BBS12: variants seen among roughly 807,000 people sequenced by gnomAD.
The protein encoded by BBS12 is chaperonin-containing T-complex member BBS12.
In BBS12, 5 loss-of-function variants were observed where a neutral mutation model predicts 5.6. The ratio of observed to expected loss-of-function variants is 0.89; its 90% CI spans 0.46 to 1.86. The LOEUF (loss-of-function observed/expected upper bound fraction) is 1.86. BBS12 is among the 40% of genes most tolerant of loss of function. BBS12 has a pLI of 0.01. For missense variants in BBS12, 748 were observed against 830.4 expected, an observed-to-expected ratio of 0.90 and a Z score of 1.22; for synonymous variants, 308 against 306.8, an observed-to-expected ratio of 1.00 and a Z score of -0.04.
At chr4:122,713,496 T>G in the BBS12 span, among the ~76,000 whole-genome samples, 3 of 152,174 alleles carry the variant, frequency 2.0e-5, no homozygotes, top group Non-Finnish European at 2.9e-5. Flanking sequence ...AGCAAGACCC[T>G]ATCTCTAAAT....
rs1435538704 is a variant in BBS12 at position 122,742,320 on chromosome 4, G to A, written c.428G>A (p.Ser143Asn). ...PVHNIFDCMD[S>N]TKTFSQLETF... The stretch of plus-strand genomic sequence containing the variant: ...CACAATATATTTGACTGTATGGACA[G>A]CACAAAAACATTTTCTCAACTTGAA... Residue 143 changes from serine (S) to asparagine (N), a missense_variant, in exon 2 of 2, where the codon AGC (serine) becomes AAC (asparagine). By Grantham distance (46) the Ser-to-Asn change is conservative (BLOSUM62 1). Coordinates refer to ENST00000314218, the MANE Select transcript of BBS12 (RefSeq NM_152618.3). 2 of 1,613,918 alleles carry A rather than the reference G, an allele frequency of 1.2e-6. No homozygotes were observed. Among genetic ancestry groups the A allele is most frequent in the Non-Finnish European group, 1.7e-6 (2 of 1,179,996 alleles).
the BBS12 span, among the ~76,000 whole-genome samples, chr4:122,701,483 T>A: frequency 3.8e-4 from 58 of 152,228 alleles, no homozygotes; most frequent in Non-Finnish European, 1.0e-4. Context: ...CATTTATGTC[T>A]GTCTGCATAG....
Position 122,742,688 on chromosome 4 carries a change from A to G in BBS12, c.796A>G (p.Asn266Asp). The change falls in exon 2 of 2, where the codon AAT becomes GAT. Residue 266 changes from asparagine to aspartate, a missense_variant. By Grantham distance (23) the Asn-to-Asp change is conservative. Coordinates refer to ENST00000314218, the MANE Select transcript of BBS12 (RefSeq NM_152618.3). The part of the protein sequence containing the change: ...VTATHKTYRC[N>D]DLVELAVGLS... ...AGCTACTCACAAAACTTACAGATGT[A>G]ATGATTTGGTAGAGTTGGCAGTAGG... 2 of 1,614,266 alleles carry G rather than the reference A, an allele frequency of 1.2e-6. No individual in the cohort carries two copies. Among genetic ancestry groups the G allele is most frequent in the Non-Finnish European group, 1.7e-6 (2 of 1,180,050 alleles).
chr4:122,721,814 C>A, the BBS12 span, among the ~76,000 whole-genome samples: 314 of 152,242 alleles, frequency 2.1e-3, no homozygotes, highest in African/African-American at 6.6e-3. Flanking sequence ...ATAGTGTCAC[C>A]TTTACCACAT....
At chr4:122,704,031 G>C in the BBS12 span, among the ~76,000 whole-genome samples, 66 of 152,134 alleles carry the variant, frequency 4.3e-4, no homozygotes, top group African/African-American at 1.6e-3. Context: ...AATTGTTTTT[G>C]TAGAGACGGT....
the BBS12 span, among the ~76,000 whole-genome samples, chr4:122,702,616 A>G: frequency 2.0e-5 from 3 of 152,230 alleles, no homozygotes; most frequent in Non-Finnish European, 4.4e-5. Flanking sequence ...GCCTGCCTGG[A>G]ATAGAAGGCC....
the BBS12 span, among the ~76,000 whole-genome samples, chr4:122,721,558 C>T: frequency 2.0e-5 from 3 of 152,184 alleles, no homozygotes; most frequent in Non-Finnish European, 2.9e-5. Flanking sequence ...TTAGTGGGAG[C>T]AGATTGTCTA....
In BBS12 at chr4:122,742,271, G is replaced by A. The variant is rs1237088573; in HGVS notation, c.379G>A (p.Val127Ile). Residue 127 changes from valine to isoleucine, a missense_variant, in exon 2 of 2, where the codon GTA (valine) becomes ATA (isoleucine). Physicochemically the swap from Val to Ile is conservative, Grantham distance 29. Transcript: ENST00000314218. ...SEGLNFCSEE[V>I]VSLHVPVHNI... ...AGGCTTAAACTTTTGTAGTGAAGAG[G>A]TAGTTTCTCTTCATGTACCTGTTCA... The A allele has an allele frequency of 1.2e-6, 2 of 1,613,780 alleles. No individual in the cohort carries two copies. Among genetic ancestry groups the A allele is most frequent in the Non-Finnish European group, 1.7e-6 (2 of 1,179,934 alleles).
At chr4:122,737,763 A>G (rs1800804685) in intron 1 of BBS12, among the ~76,000 whole-genome samples, 1 of 152,258 alleles carries the variant, frequency 6.6e-6, no homozygotes, top group Non-Finnish European at 1.5e-5. Flanking sequence ...ATACTTCCTG[A>G]TTTCCAAACT....
Position 122,743,042 on chromosome 4 carries a change from A to T in BBS12, c.1150A>T (p.Ser384Cys). ...KSANIKTVLD[S>C]MRLQEDSSEE... is the part of the protein sequence containing the mutation. ...TGCAAATATTAAAACAGTATTAGAT[A>T]GCATGCGGCTTCAAGAAGACAGCTC... is the stretch of plus-strand genomic sequence containing the variant. Residue 384 changes from serine to cysteine, a missense_variant, in exon 2 of 2, where the codon AGC becomes TGC. Physicochemically the swap from Ser to Cys is moderately radical, Grantham distance 112 (BLOSUM62 -1). Coordinates refer to ENST00000314218, the MANE Select transcript of BBS12 (RefSeq NM_152618.3). 1 of 1,614,270 alleles carries T rather than the reference A, an allele frequency of 6.2e-7. No individual in the cohort carries two copies. Among genetic ancestry groups the T allele is most frequent in the Non-Finnish European group, 8.5e-7 (1 of 1,180,046 alleles).
chr4:122,712,514 C>T, the BBS12 span, among the ~76,000 whole-genome samples: 3 of 152,204 alleles, frequency 2.0e-5, no homozygotes, highest in African/African-American at 7.2e-5. Flanking sequence ...GAGCAATAAC[C>T]AGTCTTTCGA....
At chr4:122,716,854 A>G in the BBS12 span, among the ~76,000 whole-genome samples, 1 of 152,138 alleles carries the variant, frequency 6.6e-6, no homozygotes, top group East Asian at 1.9e-4. Flanking sequence ...TACCAAGAAA[A>G]TAAGTTGAAG....
chr4:122,724,152 GCA>G, the BBS12 span, among the ~76,000 whole-genome samples: 6 of 152,218 alleles, frequency 3.9e-5, no homozygotes, highest in Admixed American at 3.3e-4. Flanking sequence ...AATTGTTATT[GCA>G]CAGTTTCTAT....
At chr4:122,700,884 C>A in the BBS12 span, among the ~76,000 whole-genome samples, 2 of 152,334 alleles carry the variant, frequency 1.3e-5, no homozygotes, top group East Asian at 3.9e-4. Context: ...TGAACTACTT[C>A]TTCCTTTCTC....
chr4:122,711,186 G>A, the BBS12 span, among the ~76,000 whole-genome samples: 1 of 152,192 alleles, frequency 6.6e-6, no homozygotes, highest in Admixed American at 6.5e-5. Context: ...GTGTAGGCAT[G>A]AGGAGGAATC....
the BBS12 span, among the ~76,000 whole-genome samples, chr4:122,725,401 G>T: frequency 6.6e-6 from 1 of 152,160 alleles, no homozygotes; most frequent in Non-Finnish European, 1.5e-5. Flanking sequence ...GCATGGTACT[G>T]GTATAAAAAT....
chr4:122,701,530 A>T, the BBS12 span, among the ~76,000 whole-genome samples: 1 of 152,268 alleles, frequency 6.6e-6, no homozygotes, highest in African/African-American at 2.4e-5. Context: ...AGCAAGGAGC[A>T]GGAAGTGGAC....
In BBS12 at chr4:122,742,612, A is replaced by T; in HGVS notation, c.720A>T (p.Thr240=). 6.2e-7 allele frequency: 1 copy of T among 1,614,244 alleles called. No homozygotes were observed. Among genetic ancestry groups the T allele is most frequent in the Non-Finnish European group, 8.5e-7 (1 of 1,180,042 alleles). The change falls in exon 2 of 2, where the codon ACA becomes ACT. Residue 240 remains threonine, a synonymous_variant. Coordinates refer to ENST00000314218, the MANE Select transcript of BBS12 (RefSeq NM_152618.3). ...ILIHSRHFNR[T]DNTEGVSKPD... The stretch of plus-strand genomic sequence containing the variant: ...TCCACAGTAGGCATTTTAATAGGAC[A>T]GATAATACTGAAGGGGTAAGCAAAC...
chr4:122,743,756 C>A lies in BBS12; in HGVS notation c.1864C>A (p.His622Asn). Reference sequence around the variant, plus strand: ...TGAAGCCAGCACATACATTCAACATCATCTGCAAAATGCCACAGACTCTGG... The same window carrying A: ...TGAAGCCAGCACATACATTCAACATAATCTGCAAAATGCCACAGACTCTGG... ...EFEASTYIQHHLQNATDSGSP... is the reference protein window; with the variant it reads ...EFEASTYIQHNLQNATDSGSP... The change falls in exon 2 of 2, where the codon CAT becomes AAT. Residue 622 changes from histidine to asparagine, a missense_variant. Coordinates refer to ENST00000314218, the MANE Select transcript of BBS12 (RefSeq NM_152618.3). 6.2e-7 allele frequency: 1 copy of A among 1,614,204 alleles called. No homozygotes were observed. The highest frequency in any genetic ancestry group is 8.5e-7 in the Non-Finnish European group (1 of 1,180,028).
Sources: allele counts gnomAD v4.1 joint callset (sites outside exome capture counted in the v4.1 genomes callset), GRCh38; gene constraint gnomAD v4.1.1; transcripts MANE v1.5; gene names NCBI Gene and HGNC (gene_info 2026-07-23, HGNC 2026-07-21).